MACF1: variants seen among roughly 807,000 people sequenced by gnomAD.
MACF1 encodes microtubule-actin cross-linking factor 1.
A neutral mutation model predicts 854.8 loss-of-function variants in MACF1; 193 were observed. The observed-to-expected ratio is 0.23, with a 90% CI of 0.20 to 0.25. The LOEUF is 0.25. Ranked by LOEUF, MACF1 falls within the 10% of genes least tolerant of loss-of-function variation. MACF1 has a pLI of 1.00. For synonymous variants in MACF1, 3,185 were observed against 3,226.7 expected (o/e 0.99, Z 0.44); for missense variants, 7,722 against 8,929.1 (o/e 0.86, Z 5.45).
chr1:39,262,689 CA>C (rs1262890446), intron 6 of MACF1, among the ~76,000 whole-genome samples: 1 of 152,124 alleles, frequency 6.6e-6, no homozygotes, highest in African/African-American at 2.4e-5. Flanking sequence ...ACCAATTTTA[CA>C]GAAAGGTAAT....
At chr1:39,418,338 C>T (rs917333788) in intron 58 of MACF1, among the ~76,000 whole-genome samples, 12 of 152,210 alleles carry the variant, frequency 7.9e-5, no homozygotes, top group African/African-American at 2.2e-4. Context: ...CAGTTGGATA[C>T]GTAGCTTTGA....
At chr1:39,231,892 A>G (rs1349008196) in intron 2 of MACF1, among the ~76,000 whole-genome samples, 1 of 151,406 alleles carries the variant, frequency 6.6e-6, no homozygotes, top group Non-Finnish European at 1.5e-5. Flanking sequence ...ATAGAGGGGG[A>G]TTTTCTCTCT....
chr1:39,217,377 C>G (rs538928031), intron 1 of MACF1, among the ~76,000 whole-genome samples: 1 of 151,906 alleles, frequency 6.6e-6, no homozygotes, highest in Admixed American at 6.6e-5. Flanking sequence ...GGGGCTCAAA[C>G]GATTCTCCTG....
chr1:39,357,800 T>A lies in MACF1; in HGVS notation c.11850T>A (p.Ser3950Arg). 1 of 1,614,022 alleles carries A rather than the reference T, an allele frequency of 6.2e-7. No homozygotes were observed. The highest frequency in any genetic ancestry group is 2.2e-5 in the East Asian group (1 of 44,880). Residue 3950 changes from serine (S) to arginine (R), a missense_variant, in exon 45 of 101, where the codon AGT becomes AGA. By Grantham distance (110) the Ser-to-Arg change is moderately radical (BLOSUM62 -1). Around this residue, in one of 15 missense-constraint regions of MACF1, gnomAD observed 2,807 missense variants for 3,235.8 expected, o/e 0.87. Coordinates refer to ENST00000564288, the MANE Select transcript of MACF1 (RefSeq NM_001394062.1). ...AGAAAGTCTTGGACATGGAAAACAG[T>A]TTTAAGGAAGGCAAAGAACCATCAG... is the stretch of plus-strand genomic sequence containing the variant. Reference protein sequence around the residue: ...SGQKVLDMENSFKEGKEPSEI... With the variant: ...SGQKVLDMENRFKEGKEPSEI...
chr1:39,386,224 A>G (rs1641769401), intron 57 of MACF1, among the ~76,000 whole-genome samples: 1 of 150,952 alleles, frequency 6.6e-6, no homozygotes, highest in African/African-American at 2.5e-5. Context: ...GGAGTTCCAC[A>G]TATACTCTCA....
At chr1:39,172,414 C>T (rs1643963307) in intron 2 of MACF1, among the ~76,000 whole-genome samples, 1 of 152,152 alleles carries the variant, frequency 6.6e-6, no homozygotes, top group South Asian at 2.1e-4. Context: ...ATGGGTTGAG[C>T]TTGGCTAAAC....
At chr1:39,324,026 G>A (rs1218373672) in intron 33 of MACF1, among the ~76,000 whole-genome samples, 167 bp from the exon 34 acceptor site, 1 of 152,192 alleles carries the variant, frequency 6.6e-6, no homozygotes, top group Non-Finnish European at 1.5e-5. Context: ...AAACACCTGT[G>A]AGCAATACTG....
chr1:39,321,214 A>G (rs1646509852), intron 31 of MACF1, among the ~76,000 whole-genome samples: 1 of 152,044 alleles, frequency 6.6e-6, no homozygotes, highest in South Asian at 2.1e-4. Context: ...ACCCTTCACC[A>G]TTTTCCAGGC....
At chr1:39,458,270 C>A in intron 89 of MACF1, 100 bp from the exon 90 acceptor site, 1 of 1,176,938 alleles carries the variant, frequency 8.5e-7, no homozygotes, top group Non-Finnish European at 1.2e-6. Context: ...GCCTTTCCTG[C>A]CACCACAGGC....
At chr1:39,185,486 TA>T (rs2148239013) in intron 2 of MACF1, among the ~76,000 whole-genome samples, 1 of 150,848 alleles carries the variant, frequency 6.6e-6, no homozygotes, top group South Asian at 2.1e-4. Context: ...CTGGACAGCA[TA>T]GAGGCCCAGT....
intron 6 of MACF1, among the ~76,000 whole-genome samples, chr1:39,278,953 TA>T (rs762836744): frequency 5.3e-5 from 8 of 152,248 alleles, no homozygotes; most frequent in Non-Finnish European, 7.3e-5. Context: ...TTTATTAATT[TA>T]CAAAATAAAT....
At chr1:39,130,813 C>G (rs1335312483) in intron 2 of MACF1, among the ~76,000 whole-genome samples, 1 of 151,808 alleles carries the variant, frequency 6.6e-6, no homozygotes, top group Non-Finnish European at 1.5e-5. Context: ...GAATTCTAAG[C>G]CAACTTTTTT....
chr1:39,254,391 GC>G lies in MACF1; in HGVS notation c.435+18del. 6.2e-7 allele frequency: 1 copy of G among 1,611,960 alleles called. No homozygotes were observed. Among genetic ancestry groups the G allele is most frequent in the Non-Finnish European group, 8.5e-7 (1 of 1,178,064 alleles). On this transcript the variant is annotated intron_variant, in intron 5 of 100. Coordinates refer to ENST00000564288, the MANE Select transcript of MACF1 (RefSeq NM_001394062.1). Reference sequence around the variant, plus strand: ...GCAGCGACAGGTAAGACCATCACATGCCTTCCCCATTCTTCCAGGCTGTGTT... The same window carrying G: ...GCAGCGACAGGTAAGACCATCACATGCTTCCCCATTCTTCCAGGCTGTGTT...
In MACF1 at chr1:39,235,984, C is replaced by T. The variant is rs116336978; in HGVS notation, c.171+4741C>T. The stretch of plus-strand genomic sequence containing the variant: ...TACTCCTGACCTCAAGTAGTCCTCC[C>T]ACCTTGGCCTCCCAGTGTCTTGGAA... On this transcript the variant is annotated intron_variant, in intron 2 of 100. Transcript: ENST00000564288. Among the ~76,000 whole-genome samples, 764 of 152,312 alleles carry T rather than the reference C, an allele frequency of 5.0e-3. 5 individuals carry two copies. The highest frequency in any genetic ancestry group is 0.018 in the African/African-American group (730 of 41,568).
In MACF1 at chr1:39,387,216, C is replaced by T. The variant is rs1194168890; in HGVS notation, c.14374C>T (p.Leu4792Phe). The T allele has an allele frequency of 6.2e-7, 1 of 1,614,012 alleles. No individual in the cohort carries two copies. Among genetic ancestry groups the T allele is most frequent in the South Asian group, 1.1e-5 (1 of 91,070 alleles). Residue 4792 changes from leucine to phenylalanine, a missense_variant, in exon 58 of 101, where the codon CTT becomes TTT. Leu to Phe is a conservative substitution (Grantham distance 22). Around this residue, in one of 15 missense-constraint regions of MACF1, gnomAD observed 2,807 missense variants for 3,235.8 expected, o/e 0.87. Coordinates refer to ENST00000564288, the MANE Select transcript of MACF1 (RefSeq NM_001394062.1). Reference sequence around the variant, plus strand: ...TCGCATTAACAGACTCCAGGCAGCTCTTGCCAGCACCCAGCAGTTCCAGCA... The same window carrying T: ...TCGCATTAACAGACTCCAGGCAGCTTTTGCCAGCACCCAGCAGTTCCAGCA... ...ADRINRLQAA[L>F]ASTQQFQQMF... is the part of the protein sequence containing the mutation.
Position 39,433,147 on chromosome 1 carries a change from G to A in MACF1, c.17557G>A (p.Val5853Ile). 1 of 1,578,410 alleles carries A rather than the reference G, an allele frequency of 6.3e-7. No homozygotes were observed. The highest frequency in any genetic ancestry group is 8.7e-7 in the Non-Finnish European group (1 of 1,151,254). Reference protein sequence around the residue: ...FGTCGEEQKTVLQEKTESLIQ... With the variant: ...FGTCGEEQKTILQEKTESLIQ... The stretch of plus-strand genomic sequence containing the variant: ...CACATGTGGGGAGGAGCAAAAAACT[G>A]TATTACAGGTGAATTACATTTATTT... The change falls in exon 68 of 101, where the codon GTA (valine) becomes ATA (isoleucine). Residue 5853 changes from valine to isoleucine, a missense_variant. Around this residue, in one of 15 missense-constraint regions of MACF1, gnomAD observed 2,807 missense variants for 3,235.8 expected, o/e 0.87. Transcript: ENST00000564288.
At chr1:39,165,529 A>G (rs867264327) in intron 2 of MACF1, among the ~76,000 whole-genome samples, 1 of 152,040 alleles carries the variant, frequency 6.6e-6, no homozygotes, top group African/African-American at 2.4e-5. Context: ...ACAACTGGAG[A>G]TGGTTGTTAT....
At chr1:39,434,817 A>G (rs1303231054) in intron 69 of MACF1, among the ~76,000 whole-genome samples, 185 bp downstream of exon 69, 2 of 152,254 alleles carry the variant, frequency 1.3e-5, no homozygotes, top group Non-Finnish European at 1.5e-5. Flanking sequence ...TCAATTGATT[A>G]AACACTAAGA....
At chr1:39,393,930 G>C (rs745598967) in intron 58 of MACF1, among the ~76,000 whole-genome samples, 1 of 151,886 alleles carries the variant, frequency 6.6e-6, no homozygotes, top group African/African-American at 2.4e-5. Flanking sequence ...AAGAAAGAAC[G>C]AACGAACGAA....
Sources: allele counts gnomAD v4.1 joint callset (sites outside exome capture counted in the v4.1 genomes callset), GRCh38; gene constraint gnomAD v4.1.1; regional missense constraint gnomAD v4.1.1; transcripts MANE v1.5; gene names NCBI Gene and HGNC (gene_info 2026-07-23, HGNC 2026-07-21).